Variants in BPIFB6 observed in about 807,000 individuals in gnomAD.
BPIFB6 encodes the protein BPI fold-containing family B member 6.
Under a neutral mutation model 54.7 loss-of-function variants are expected in BPIFB6, and 47 were observed. That is an observed-to-expected ratio of 0.86 (90% CI 0.68 to 1.10). The LOEUF is 1.10. Ranked by LOEUF, BPIFB6 falls within the 50% of genes least tolerant of loss-of-function variation. The pLI, the probability that BPIFB6 is intolerant of heterozygous loss-of-function variation, is 0.00. For missense variants in BPIFB6, 603 were observed against 564.1 expected (o/e 1.07, Z -0.70); for synonymous variants, 255 against 225.9 (o/e 1.13, Z -1.16).
chr20:33,037,947 T>C (rs1475440925), intron 8 of BPIFB6, among the ~76,000 whole-genome samples: 2 of 152,206 alleles, frequency 1.3e-5, no homozygotes, highest in African/African-American at 2.4e-5. Flanking sequence ...TGTACATCCA[T>C]CAGTCCGTAC....
chr20:33,038,414 A>G (rs1424135581), intron 8 of BPIFB6, among the ~76,000 whole-genome samples: 3 of 151,602 alleles, frequency 2.0e-5, no homozygotes, highest in Non-Finnish European at 4.4e-5. Flanking sequence ...ATTCTACTCC[A>G]CCATATTCCC....
intron 7 of BPIFB6, among the ~76,000 whole-genome samples, chr20:33,037,280 T>A (rs1600525161): frequency 6.6e-6 from 1 of 152,148 alleles, no homozygotes; most frequent in Non-Finnish European, 1.5e-5. Flanking sequence ...TCCGAATAAA[T>A]GAAGCCTCCA....
chr20:33,031,828 T>A, intron 1 of BPIFB6, 84 bp downstream of exon 1: 4 of 1,053,976 alleles, frequency 3.8e-6, no homozygotes, highest in Non-Finnish European at 4.4e-6. Context: ...TGGTTGCACA[T>A]CCTGGAGCAT....
intron 7 of BPIFB6, 152 bp from the exon 8 acceptor site, chr20:33,037,410 C>T (rs767250971): frequency 4.8e-5 from 36 of 748,868 alleles, no homozygotes; most frequent in Non-Finnish European, 7.4e-5. Context: ...GGAGGTTTGG[C>T]CCACTGTAGC....
chr20:33,032,792 G>T (rs1272041718), intron 1 of BPIFB6, among the ~76,000 whole-genome samples, 192 bp from the exon 2 acceptor site: 1 of 152,134 alleles, frequency 6.6e-6, no homozygotes, highest in African/African-American at 2.4e-5. Context: ...AAACCCTCGT[G>T]CGGCTCCTAC....
intron 13 of BPIFB6, 129 bp from the exon 14 acceptor site, chr20:33,043,162 T>C: frequency 1.2e-6 from 1 of 855,076 alleles, no homozygotes; most frequent in Non-Finnish European, 1.9e-6. Flanking sequence ...TATTAGCTCT[T>C]TGCTTGTACA....
intron 9 of BPIFB6, 55 bp from the exon 10 acceptor site, chr20:33,039,292 A>G: frequency 1.3e-6 from 2 of 1,524,718 alleles, no homozygotes. Context: ...CCTTATTTCA[A>G]CTGAAGCCAC....
intron 6 of BPIFB6, 122 bp from the exon 7 acceptor site, chr20:33,036,323 G>T: frequency 1.3e-6 from 1 of 750,526 alleles, no homozygotes; most frequent in Non-Finnish European, 2.3e-6. Flanking sequence ...GCCCAGAAGT[G>T]CTAAGGAATT....
At chr20:33,036,385 G>T in intron 6 of BPIFB6, 60 bp from the exon 7 acceptor site, 1 of 1,451,060 alleles carries the variant, frequency 6.9e-7, no homozygotes, top group East Asian at 2.3e-5. Flanking sequence ...GCTGGTGCCA[G>T]CTTCTCTGGG....
chr20:33,035,571 A>G, intron 5 of BPIFB6, 41 bp from the exon 6 acceptor site: 10 of 1,600,568 alleles, frequency 6.2e-6, no homozygotes, highest in Non-Finnish European at 8.6e-6. Flanking sequence ...GAGGCTCTCC[A>G]TGCAGGGACC....
rs1979408765 is a variant in BPIFB6, at chr20:33,037,781, A to G, written c.846+43A>G. 4.4e-6 allele frequency: 7 copies of G among 1,594,546 alleles called. No individual in the cohort carries two copies. In the East Asian group the frequency reaches 1.6e-4, roughly 36 times the overall value. On this transcript the variant is annotated intron_variant, in intron 8 of 14. Coordinates refer to ENST00000349552, the MANE Select transcript of BPIFB6 (RefSeq NM_174897.2). ...CCATTTCCATCTGCCTCTGTCCATTACAATGCAGTCCCTGCCTAGTTTTTC... is the reference window on the plus strand; with the variant it reads ...CCATTTCCATCTGCCTCTGTCCATTGCAATGCAGTCCCTGCCTAGTTTTTC...
At position 33,031,667 on chromosome 20, in the gene BPIFB6, T is replaced by C; in HGVS notation, c.20T>C (p.Leu7Pro). The C allele has an allele frequency of 6.2e-7, 1 of 1,613,954 alleles. No homozygotes were observed. The highest frequency in any genetic ancestry group is 1.1e-5 in the South Asian group (1 of 91,054). ...GGTGCCATGCTGCGGATCCTGTGCC[T>C]GGCACTCTGCAGCCTGCTGACTGGC... MLRILC[L>P]ALCSLLTGTR... The change falls in exon 1 of 15, where the codon CTG becomes CCG. Residue 7 changes from leucine (L) to proline (P), a missense_variant. Coordinates refer to ENST00000349552, the MANE Select transcript of BPIFB6 (RefSeq NM_174897.2).
At chr20:33,043,529 G>A (rs1178656249) in intron 14 of BPIFB6, among the ~76,000 whole-genome samples, 162 bp downstream of exon 14, 3 of 152,100 alleles carry the variant, frequency 2.0e-5, no homozygotes, top group Admixed American at 2.0e-4. Flanking sequence ...CCTTGACCAG[G>A]GATTCCATAG....
intron 14 of BPIFB6, 53 bp from the exon 15 acceptor site, chr20:33,043,962 T>G: frequency 6.2e-7 from 1 of 1,606,628 alleles, no homozygotes; most frequent in Non-Finnish European, 8.5e-7. Context: ...ATTCCATCCC[T>G]GGGCCTAGGT....
chr20:33,036,371 G>A, intron 6 of BPIFB6, 74 bp from the exon 7 acceptor site: 2 of 1,307,424 alleles, frequency 1.5e-6, no homozygotes, highest in African/African-American at 3.0e-5. Context: ...GCAGGTAGCA[G>A]CTGGCTGGTG....
rs758816456 is a variant in BPIFB6, at chr20:33,035,105, G to T, written c.477G>T (p.Lys159Asn). ...GCATGCTCCCCAAGATGGTCAACAA[G>T]TTCCTGGACAGCACCCTGCACAAAG... ...PSNMLPKMVN[K>N]FLDSTLHKVL... The change falls in exon 5 of 15, where the codon AAG (lysine) becomes AAT (asparagine). Residue 159 changes from lysine to asparagine, a missense_variant. Physicochemically the swap from Lys to Asn is moderately conservative, Grantham distance 94. Coordinates refer to ENST00000349552, the MANE Select transcript of BPIFB6 (RefSeq NM_174897.2). The T allele has an allele frequency of 6.2e-7, 1 of 1,613,916 alleles. No homozygotes were observed. Among genetic ancestry groups the T allele is most frequent in the Non-Finnish European group, 8.5e-7 (1 of 1,179,992 alleles).
chr20:33,040,442 T>A, intron 11 of BPIFB6, 124 bp downstream of exon 11: 1 of 851,492 alleles, frequency 1.2e-6, no homozygotes, highest in South Asian at 1.5e-5. Flanking sequence ...CTGCTCTAGC[T>A]ACTTTTCCTG....
At position 33,037,683 on chromosome 20, in the gene BPIFB6, C is replaced by A. The variant is rs1188872116; in HGVS notation, c.791C>A (p.Ser264Tyr). ...SQLLLPATFL[S>Y]AELALLQKSF... ...CTGCTGCTCCCAGCCACCTTCCTCT[C>A]TGCAGAGCTTGCCCTTCTGCAGAAG... Residue 264 changes from serine to tyrosine, a missense_variant, in exon 8 of 15, where the codon TCT becomes TAT. Transcript: ENST00000349552. 1 of 1,614,126 alleles carries A rather than the reference C, an allele frequency of 6.2e-7. No homozygotes were observed.
chr20:33,034,132 T>A, intron 2 of BPIFB6, 54 bp from the exon 3 acceptor site: 1 of 1,297,030 alleles, frequency 7.7e-7, no homozygotes, highest in Non-Finnish European at 1.1e-6. Context: ...TGGGTGGAGG[T>A]CCTGGGTCTT....
Sources: gnomAD v4.1 joint callset for allele counts (sites outside exome capture counted in the v4.1 genomes callset) on GRCh38, gnomAD v4.1.1 for gene constraint, MANE v1.5 for transcripts, NCBI Gene and HGNC (gene_info 2026-07-23, HGNC 2026-07-21) for gene names.